ADGRL3: variants seen among roughly 807,000 people sequenced by gnomAD.
ADGRL3 encodes calcium-independent alpha-latrotoxin receptor 3.
ADGRL3 carries 62 observed loss-of-function variants against 153.5 expected under a neutral mutation model. That is an observed-to-expected ratio of 0.40 (90% CI 0.33 to 0.50). ADGRL3 has a LOEUF of 0.50. ADGRL3 is among the 20% of genes least tolerant of loss of function. The pLI is 0.47. For synonymous variants in ADGRL3, 710 were observed against 672.5 expected, an observed-to-expected ratio of 1.06 and a Z score of -0.86; for missense variants, 1,641 against 1,859.4, an observed-to-expected ratio of 0.88 and a Z score of 2.16.
intron 2 of ADGRL3, among the ~76,000 whole-genome samples, chr4:61,400,499 A>G (rs1161046542): frequency 2.0e-5 from 3 of 151,904 alleles, no homozygotes; most frequent in African/African-American, 7.2e-5. Context: ...AAAGAGAACC[A>G]TCACTATATA....
chr4:61,353,887 T>A (rs938610526), intron 1 of ADGRL3, among the ~76,000 whole-genome samples: 5 of 152,154 alleles, frequency 3.3e-5, no homozygotes, highest in Non-Finnish European at 7.4e-5. Flanking sequence ...TTGAATTTTT[T>A]AAGTAATAAA....
intron 3 of ADGRL3, 45 bp downstream of exon 3, chr4:61,497,393 T>C: frequency 1.6e-6 from 2 of 1,247,626 alleles, no homozygotes; most frequent in Non-Finnish European, 2.3e-6. Flanking sequence ...GTTGTCTCAC[T>C]TATTCATACT....
intron 1 of ADGRL3, among the ~76,000 whole-genome samples, chr4:61,282,491 T>C (rs1268792900): frequency 1.3e-5 from 2 of 152,030 alleles, no homozygotes; most frequent in African/African-American, 4.8e-5. Context: ...GCACATGTGG[T>C]AGTGTAGTAT....
At chr4:61,204,197 G>T (rs2148723637) in intron 1 of ADGRL3, among the ~76,000 whole-genome samples, 1 of 152,122 alleles carries the variant, frequency 6.6e-6, no homozygotes, top group Non-Finnish European at 1.5e-5. Flanking sequence ...TTGACCTCTT[G>T]AAAAAGCATA....
intron 13 of ADGRL3, among the ~76,000 whole-genome samples, chr4:61,926,911 A>C (rs2098796597): frequency 6.6e-6 from 1 of 152,126 alleles, no homozygotes; most frequent in Non-Finnish European, 1.5e-5. Context: ...GTTTCTTTGC[A>C]GTGCCTATTC....
At chr4:61,509,628 G>GTATA (rs139982097) in intron 3 of ADGRL3, among the ~76,000 whole-genome samples, 6 of 149,876 alleles carry the variant, frequency 4.0e-5, no homozygotes, top group African/African-American at 1.2e-4. Flanking sequence ...GTGTGCGTGT[G>GTATA]TATATATATA....
chr4:61,978,321 T>A lies in ADGRL3; in HGVS notation c.2806-1242T>A, dbSNP rs148727713. Among the ~76,000 whole-genome samples the A allele has an allele frequency of 6.1e-5, 6 of 98,152 alleles. No individual in the cohort carries two copies. In the East Asian group the frequency reaches 1.8e-3, roughly 29 times the overall value. The allele number at this position is 98,152 out of a possible 152,430, so 64.4% of individuals were successfully genotyped here. A position where few individuals can be genotyped will look rare whatever the true frequency, so the allele number is the denominator to read the frequency against. On this transcript the variant is annotated intron_variant, in intron 17 of 26. Coordinates refer to ENST00000683033, the MANE Select transcript of ADGRL3 (RefSeq NM_001387552.1). The stretch of plus-strand genomic sequence containing the variant: ...AAATGCTGTCATAGTGTGTAGATCC[T>A]TTTGATGCTTGCTTTTTAAAAAAAA...
At chr4:61,522,195 A>G (rs1208377274) in intron 4 of ADGRL3, among the ~76,000 whole-genome samples, 1 of 152,124 alleles carries the variant, frequency 6.6e-6, no homozygotes, top group Non-Finnish European at 1.5e-5. Flanking sequence ...GTTCCAATGC[A>G]AAATTTGGAG....
intron 1 of ADGRL3, among the ~76,000 whole-genome samples, chr4:61,349,222 A>G (rs549442057): frequency 6.6e-6 from 1 of 152,204 alleles, no homozygotes; most frequent in East Asian, 1.9e-4. Flanking sequence ...AAAACTTCAT[A>G]ATAAATAGAC....
rs1463646404 is a variant in ADGRL3 at position 61,856,598 on chromosome 4, CTCTCTCTTTTTTTTT to C, written c.1481-36056_1481-36042del. 6.0e-3 allele frequency among the ~76,000 whole-genome samples: 343 copies of C among 56,880 alleles called. 2 individuals carry two copies. Among genetic ancestry groups the C allele is most frequent in the Non-Finnish European group, 0.012 (282 of 23,968 alleles). The allele number at this position is 56,880 out of a possible 152,430, so 37.3% of individuals were successfully genotyped here. ...CTCTCTCTCTTTTTTCTCTCTCTCT[CTCTCTCTTTTTTTTT>C]TTTTTTTTTTTTTTTTTTTTGCGAT... is the stretch of plus-strand genomic sequence containing the variant. On this transcript the variant is annotated intron_variant, in intron 9 of 26. Coordinates refer to ENST00000683033, the MANE Select transcript of ADGRL3 (RefSeq NM_001387552.1).
chr4:61,297,362 CATATAAT>C (rs1411571681), intron 1 of ADGRL3, among the ~76,000 whole-genome samples: 1 of 151,994 alleles, frequency 6.6e-6, no homozygotes, highest in Admixed American at 6.6e-5. Flanking sequence ...GCATGTGCCT[CATATAAT>C]ATATGCTAAA....
intron 18 of ADGRL3, 72 bp from the exon 19 acceptor site, chr4:61,983,311 T>C: frequency 8.8e-7 from 1 of 1,140,830 alleles, no homozygotes. Flanking sequence ...AAATATTTAA[T>C]TTGGTTTTAT....
At chr4:61,428,468 ACCATC>A (rs1415598469) in intron 2 of ADGRL3, among the ~76,000 whole-genome samples, 2 of 152,212 alleles carry the variant, frequency 1.3e-5, no homozygotes. Context: ...TTAAGGAAAG[ACCATC>A]AATAGTTTCA....
At chr4:61,878,359 C>G (rs2098488321) in intron 9 of ADGRL3, among the ~76,000 whole-genome samples, 1 of 152,168 alleles carries the variant, frequency 6.6e-6, no homozygotes, top group Non-Finnish European at 1.5e-5. Context: ...CAGGTGAAAA[C>G]TGAATAATGT....
chr4:61,985,021 T>G (rs1370208073), intron 19 of ADGRL3, among the ~76,000 whole-genome samples: 2 of 152,048 alleles, frequency 1.3e-5, no homozygotes, highest in African/African-American at 2.4e-5. Flanking sequence ...ATAGTATATA[T>G]GGGCCAAATG....
chr4:61,548,965 A>C (rs1454091448), intron 4 of ADGRL3, among the ~76,000 whole-genome samples: 1 of 152,020 alleles, frequency 6.6e-6, no homozygotes, highest in Non-Finnish European at 1.5e-5. Flanking sequence ...CTTCCTATCG[A>C]TGAGGATGGA....
chr4:61,729,585 C>T (rs547090609), intron 6 of ADGRL3, among the ~76,000 whole-genome samples: 1 of 152,084 alleles, frequency 6.6e-6, no homozygotes, highest in East Asian at 1.9e-4. Context: ...TTTAGTTTTA[C>T]ATCACTTGAA....
chr4:61,325,511 G>A (rs1347247312), intron 1 of ADGRL3, among the ~76,000 whole-genome samples: 1 of 152,296 alleles, frequency 6.6e-6, no homozygotes, highest in South Asian at 2.1e-4. Context: ...TGAAGGTTGA[G>A]TGTGAATTCT....
chr4:61,999,495 A>T (rs906898807), intron 21 of ADGRL3, among the ~76,000 whole-genome samples: 2 of 152,202 alleles, frequency 1.3e-5, no homozygotes, highest in East Asian at 3.9e-4. Context: ...TGATATATTA[A>T]ATTGCATTTT....
Sources: allele counts gnomAD v4.1 joint callset (sites outside exome capture counted in the v4.1 genomes callset), GRCh38; gene constraint gnomAD v4.1.1; transcripts MANE v1.5; gene names NCBI Gene and HGNC (gene_info 2026-07-23, HGNC 2026-07-21).